MAP2K4: variants seen among roughly 807,000 people sequenced by gnomAD.
MAP2K4 encodes mitogen-activated protein kinase kinase 4, also known as dual specificity mitogen-activated protein kinase kinase 4.
A neutral mutation model predicts 48.5 loss-of-function variants in MAP2K4; 4 were observed. The ratio of observed to expected loss-of-function variants is 0.08; its 90% CI spans 0.04 to 0.19. MAP2K4 has a LOEUF of 0.19. Ranked by LOEUF, MAP2K4 falls within the 10% of genes least tolerant of loss-of-function variation. The pLI is 1.00. For synonymous variants in MAP2K4, 166 were observed against 173.1 expected (o/e 0.96, Z 0.32); for missense variants, 258 against 493.3 (o/e 0.52, Z 4.52).
chr17:12,119,613 C>G (rs937201782), intron 7 of MAP2K4, among the ~76,000 whole-genome samples: 1 of 152,210 alleles, frequency 6.6e-6, no homozygotes, highest in Non-Finnish European at 1.5e-5. Context: ...AATTGTCATT[C>G]AACCCAGCAG....
intron 3 of MAP2K4, among the ~76,000 whole-genome samples, chr17:12,082,952 C>T (rs138897751): frequency 7.2e-5 from 11 of 152,172 alleles, no homozygotes; most frequent in Admixed American, 7.2e-4. Context: ...TTTATTTAGA[C>T]TCCTGGATGA....
chr17:12,077,824 A>G (rs1971063990), intron 2 of MAP2K4, among the ~76,000 whole-genome samples: 1 of 152,196 alleles, frequency 6.6e-6, no homozygotes. Context: ...GGAGAGTCCA[A>G]GATTAAGGTG....
At chr17:12,063,439 T>G (rs1398759847) in intron 2 of MAP2K4, among the ~76,000 whole-genome samples, 1 of 152,172 alleles carries the variant, frequency 6.6e-6, no homozygotes, top group Non-Finnish European at 1.5e-5. Context: ...GGAAAAAGGT[T>G]TGAAAGGATA....
intron 2 of MAP2K4, among the ~76,000 whole-genome samples, chr17:12,059,905 C>G (rs1597423058): frequency 6.6e-6 from 1 of 152,134 alleles, no homozygotes; most frequent in South Asian, 2.1e-4. Context: ...AGGCCGGGCA[C>G]AGTTGCTCAC....
chr17:12,130,668 TTC>T (rs1972992290), intron 9 of MAP2K4, among the ~76,000 whole-genome samples: 1 of 152,164 alleles, frequency 6.6e-6, no homozygotes, highest in Non-Finnish European at 1.5e-5. Flanking sequence ...CCTGAGTAGG[TTC>T]ATAGTTCCAT....
At chr17:12,103,638 C>T (rs1052187514) in intron 4 of MAP2K4, among the ~76,000 whole-genome samples, 2 of 152,140 alleles carry the variant, frequency 1.3e-5, no homozygotes, top group African/African-American at 4.8e-5. Context: ...TTCCAGATCT[C>T]ATCACTACCC....
chr17:12,090,102 G>A (rs1453726207), intron 3 of MAP2K4, among the ~76,000 whole-genome samples: 3 of 152,118 alleles, frequency 2.0e-5, no homozygotes, highest in South Asian at 4.1e-4. Context: ...CTTGTCATCC[G>A]ATCCTTTTTT....
chr17:12,037,256 A>G (rs183689178), intron 1 of MAP2K4, among the ~76,000 whole-genome samples: 114 of 152,276 alleles, frequency 7.5e-4, no homozygotes, highest in African/African-American at 2.6e-3. Flanking sequence ...AATTGGTAAT[A>G]ATAAAAAGGA....
chr17:12,050,824 A>G (rs1169037111), intron 1 of MAP2K4, among the ~76,000 whole-genome samples: 1 of 152,228 alleles, frequency 6.6e-6, no homozygotes, highest in African/African-American at 2.4e-5. Flanking sequence ...GTTGCTCACA[A>G]CTAGACAAAG....
chr17:12,081,270 T>G lies in MAP2K4; in HGVS notation c.219-86T>G, dbSNP rs1971178208. 1 of 1,051,898 alleles carries G rather than the reference T, an allele frequency of 9.5e-7. No individual in the cohort carries two copies. The highest frequency in any genetic ancestry group is 1.6e-5 in the African/African-American group (1 of 61,806). The allele number at this position is 1,051,898 out of a possible 1,614,324, so 65.2% of individuals were successfully genotyped here. A position where few individuals can be genotyped will look rare whatever the true frequency, so the allele number is the denominator to read the frequency against. On this transcript the variant is annotated intron_variant, in intron 2 of 10. Transcript: ENST00000353533. This position sits in a 1 kb window ranked among gnomAD's most constrained non-coding sequence, Gnocchi z 4.2. ...GACTATTTTAGTAATTTAGAAAACATTTTTCCCACACATTAATCAGTACTA... is the reference window on the plus strand; with the variant it reads ...GACTATTTTAGTAATTTAGAAAACAGTTTTCCCACACATTAATCAGTACTA...
chr17:12,084,332 A>G (rs1971289862), intron 3 of MAP2K4, among the ~76,000 whole-genome samples: 2 of 152,318 alleles, frequency 1.3e-5, no homozygotes, highest in Admixed American at 6.5e-5. Flanking sequence ...TTTCTGCATT[A>G]GGACCTAAGA....
chr17:12,124,347 A>G (rs1972784367), intron 7 of MAP2K4: 1 of 152,226 alleles, frequency 6.6e-6, no homozygotes, highest in Admixed American at 6.5e-5. Context: ...GGAAATGTAA[A>G]GATGTTCTTT....
chr17:12,137,074 A>G (rs751597095), intron 9 of MAP2K4, among the ~76,000 whole-genome samples: 1 of 152,228 alleles, frequency 6.6e-6, no homozygotes, highest in Non-Finnish European at 1.5e-5. Flanking sequence ...GGTCCATTAC[A>G]GGACCCTGTT....
chr17:12,036,796 G>A (rs1449844701), intron 1 of MAP2K4, among the ~76,000 whole-genome samples: 5 of 151,714 alleles, frequency 3.3e-5, no homozygotes, highest in Non-Finnish European at 5.9e-5. Context: ...CGAATTGTGT[G>A]CTAATCAGAG....
chr17:12,025,927 G>T (rs1357013507), intron 1 of MAP2K4, among the ~76,000 whole-genome samples: 1 of 152,140 alleles, frequency 6.6e-6, no homozygotes, highest in Non-Finnish European at 1.5e-5. Context: ...TTAAAGAACT[G>T]ATTTGTGCAG....
At chr17:12,092,338 T>C (rs1409244084) in intron 3 of MAP2K4, among the ~76,000 whole-genome samples, 1 of 152,222 alleles carries the variant, frequency 6.6e-6, no homozygotes, top group East Asian at 1.9e-4. Context: ...TTCTGTGCTC[T>C]TAAGGACAGC....
intron 7 of MAP2K4, among the ~76,000 whole-genome samples, chr17:12,115,345 A>T (rs1238000416): frequency 1.3e-5 from 2 of 152,210 alleles, no homozygotes; most frequent in African/African-American, 2.4e-5. Context: ...GTACTTACAC[A>T]AACCTAGATG....
intron 9 of MAP2K4, among the ~76,000 whole-genome samples, chr17:12,130,283 G>T (rs1972981828): frequency 6.6e-6 from 1 of 152,090 alleles, no homozygotes; most frequent in Admixed American, 6.5e-5. Flanking sequence ...TTTTCAGAGG[G>T]GAGAGGAATA....
chr17:12,075,738 T>C (rs960819273), intron 2 of MAP2K4, among the ~76,000 whole-genome samples: 1 of 152,218 alleles, frequency 6.6e-6, no homozygotes, highest in Non-Finnish European at 1.5e-5. Context: ...ACCTTTTGGC[T>C]GATAGTACTC....
Sources: allele counts gnomAD v4.1 joint callset (sites outside exome capture counted in the v4.1 genomes callset), GRCh38; gene constraint gnomAD v4.1.1; non-coding constraint Gnocchi (gnomAD v3.1); transcripts MANE v1.5; gene names NCBI Gene and HGNC (gene_info 2026-07-23, HGNC 2026-07-21).